DCPS: variants seen among roughly 807,000 people sequenced by gnomAD.
DCPS encodes the protein m7GpppX diphosphatase.
Under a neutral mutation model 34.7 loss-of-function variants are expected in DCPS, and 27 were observed. The observed-to-expected ratio is 0.78, with a 90% CI of 0.57 to 1.07. The LOEUF is 1.07. Among genes scored for constraint, DCPS ranks in the 50% least tolerant of loss-of-function variants. DCPS has a pLI of 0.00. For synonymous variants in DCPS, 185 were observed against 185.7 expected (o/e 1.00, Z 0.03); for missense variants, 464 against 436.9 (o/e 1.06, Z -0.55).
At chr11:126,310,422 C>T (rs758447771) in intron 2 of DCPS, among the ~76,000 whole-genome samples, 3 of 152,184 alleles carry the variant, frequency 2.0e-5, no homozygotes, top group Non-Finnish European at 4.4e-5. Context: ...CCCTATGCCG[C>T]GTACCGTAGC....
rs1258680643 is a variant in DCPS at position 126,332,963 on chromosome 11, G to C, written c.522+1413G>C. On this transcript the variant is annotated intron_variant, in intron 3 of 5. Transcript: ENST00000263579. This position sits in a 1 kb window ranked among gnomAD's most constrained non-coding sequence, Gnocchi z 5.4. ...AAGTAAGGAAGCCCTGATGTGGTTG[G>C]TGTGAGTAGCTGGGATTACAGGTGC... Among the ~76,000 whole-genome samples, 1 of 152,090 alleles carries C rather than the reference G, an allele frequency of 6.6e-6. No homozygotes were observed. The highest frequency in any genetic ancestry group is 6.6e-5 in the Admixed American group (1 of 15,256).
chr11:126,304,366 C>G (rs975728987), intron 1 of DCPS, 85 bp downstream of exon 1: 3 of 1,498,246 alleles, frequency 2.0e-6, no homozygotes, highest in Non-Finnish European at 2.8e-6. Flanking sequence ...TTTCGGATCT[C>G]GGCTGGAAAA....
intron 2 of DCPS, among the ~76,000 whole-genome samples, chr11:126,316,356 A>T (rs1380838763): frequency 4.8e-5 from 7 of 147,248 alleles, no homozygotes; most frequent in African/African-American, 1.8e-4. Flanking sequence ...CTCATCAGTT[A>T]TTGTTAGTGT....
chr11:126,307,926 AC>A (rs1951586626), intron 2 of DCPS, among the ~76,000 whole-genome samples: 1 of 152,158 alleles, frequency 6.6e-6, no homozygotes, highest in Non-Finnish European at 1.5e-5. Flanking sequence ...TTTTCAGTAG[AC>A]TGGGGTCTTG....
chr11:126,343,176 C>T (rs751065801), intron 4 of DCPS, 131 bp from the exon 5 acceptor site: 7 of 689,018 alleles, frequency 1.0e-5, no homozygotes, highest in Non-Finnish European at 1.5e-5. Flanking sequence ...ATGCAGATGC[C>T]CTGCGGGGTT....
chr11:126,312,936 G>A lies in DCPS; in HGVS notation c.376+6192G>A, dbSNP rs1421358659. On this transcript the variant is annotated intron_variant, in intron 2 of 5. Transcript: ENST00000263579. The surrounding 1 kb of genome is among the most constrained non-coding windows in gnomAD (Gnocchi z 5.1). ...GGCACATGTGAGGAGCTAATGGCCCGAAGGCTGGCACCTGAGAGCTTCCTC... is the reference window on the plus strand; with the variant it reads ...GGCACATGTGAGGAGCTAATGGCCCAAAGGCTGGCACCTGAGAGCTTCCTC... Among the ~76,000 whole-genome samples the A allele has an allele frequency of 6.6e-6, 1 of 152,132 alleles. No homozygotes were observed. Among genetic ancestry groups the A allele is most frequent in the Non-Finnish European group, 1.5e-5 (1 of 68,030 alleles).
chr11:126,318,647 C>T (rs1485575965), intron 2 of DCPS, among the ~76,000 whole-genome samples: 6 of 152,180 alleles, frequency 3.9e-5, no homozygotes, highest in African/African-American at 1.2e-4. Flanking sequence ...GGGTGGGCTT[C>T]GACTCAGATC....
chr11:126,306,260 C>A (rs1951564515), intron 1 of DCPS, among the ~76,000 whole-genome samples: 2 of 152,088 alleles, frequency 1.3e-5, no homozygotes, highest in Admixed American at 1.3e-4. Flanking sequence ...GTAATCCCAG[C>A]TACTCAGGAG....
At chr11:126,326,342 G>T (rs969893862) in intron 2 of DCPS, among the ~76,000 whole-genome samples, 1 of 152,178 alleles carries the variant, frequency 6.6e-6, no homozygotes, top group East Asian at 1.9e-4. Flanking sequence ...GGGCAGATGG[G>T]GCTGCCAGTG....
At chr11:126,307,085 T>G (rs1364012390) in intron 2 of DCPS, among the ~76,000 whole-genome samples, 2 of 151,872 alleles carry the variant, frequency 1.3e-5, no homozygotes, top group Non-Finnish European at 2.9e-5. Flanking sequence ...ATCCCAGCAC[T>G]TTGGGAGGCC....
chr11:126,347,870 G>A lies in DCPS; in HGVS notation c.*2257G>A, dbSNP rs757751365. 5.2e-4 allele frequency among the ~76,000 whole-genome samples: 79 copies of A among 152,240 alleles called. No individual in the cohort carries two copies. The highest frequency in any genetic ancestry group is 1.2e-3 in the African/African-American group (50 of 41,538). ...AGATGTGGTCCCAACAAGCAAACAC[G>A]GTCTCCATCTCCAGCACCACAACTG... On this transcript the variant is annotated 3_prime_UTR_variant, in exon 6 of 6. Transcript: ENST00000263579. The surrounding 1 kb of genome is among the most constrained non-coding windows in gnomAD (Gnocchi z 4.2).
Position 126,344,142 on chromosome 11 carries a change from G to T in DCPS, c.747+725G>T, listed in dbSNP as rs913462831. On this transcript the variant is annotated intron_variant, in intron 5 of 5. Transcript: ENST00000263579. The surrounding 1 kb of genome is among the most constrained non-coding windows in gnomAD (Gnocchi z 8.1). ...GTGATGCTCTGCCTAACACGCCAGA[G>T]CTAGCAGTCACAACGATGCCCAGCC... 6.6e-6 allele frequency among the ~76,000 whole-genome samples: 1 copy of T among 152,112 alleles called. No individual in the cohort carries two copies. Among genetic ancestry groups the T allele is most frequent in the African/African-American group, 2.4e-5 (1 of 41,430 alleles).
intron 2 of DCPS, among the ~76,000 whole-genome samples, chr11:126,311,308 C>T (rs1336601200): frequency 6.6e-6 from 1 of 152,254 alleles, no homozygotes; most frequent in Admixed American, 6.5e-5. Flanking sequence ...CGAATCCTGG[C>T]TTTGCCATTT....
In DCPS at chr11:126,318,055, C is replaced by T. The variant is rs556769189; in HGVS notation, c.376+11311C>T. ...TCCGGTCCTGTTGCCTCCCTACCCC[C>T]TCTGCTTTCTGGACTTCAGAGGACT... is the stretch of plus-strand genomic sequence containing the variant. On this transcript the variant is annotated intron_variant, in intron 2 of 5. Coordinates refer to ENST00000263579, the MANE Select transcript of DCPS (RefSeq NM_014026.6). Among the ~76,000 whole-genome samples the T allele has an allele frequency of 3.9e-5, 6 of 152,336 alleles. No homozygotes were observed. In the East Asian group the frequency reaches 1.2e-3, roughly 29 times the overall value.
chr11:126,311,601 T>C lies in DCPS; in HGVS notation c.376+4857T>C, dbSNP rs185225339. Among the ~76,000 whole-genome samples, 55 of 152,214 alleles carry C rather than the reference T, an allele frequency of 3.6e-4. 1 individual carries two copies. The highest frequency in any genetic ancestry group is 8.8e-5 in the Non-Finnish European group (6 of 68,026). On this transcript the variant is annotated intron_variant, in intron 2 of 5. Transcript: ENST00000263579. Reference sequence around the variant, plus strand: ...CTGAAAGATGGGAAGAAGCCAGCTGTGCAAAGAGGGGAGAACACTCTGGGC... The same window carrying C: ...CTGAAAGATGGGAAGAAGCCAGCTGCGCAAAGAGGGGAGAACACTCTGGGC...
At position 126,346,708 on chromosome 11, in the gene DCPS, CA is replaced by C. The variant is rs142637373; in HGVS notation, c.*1096del. Among the ~76,000 whole-genome samples, 2,417 of 152,258 alleles carry C rather than the reference CA, an allele frequency of 0.016. 70 individuals carry two copies. Among genetic ancestry groups the C allele is most frequent in the African/African-American group, 0.053 (2,188 of 41,548 alleles). ...AGGATGGCAGGCTCCTAAGTGACAG[CA>C]GGGGGGAAGCTTGAGGCACAGTGGG... On this transcript the variant is annotated 3_prime_UTR_variant, in exon 6 of 6. Coordinates refer to ENST00000263579, the MANE Select transcript of DCPS (RefSeq NM_014026.6). This position sits in a 1 kb window ranked among gnomAD's most constrained non-coding sequence, Gnocchi z 4.1.
At position 126,331,525 on chromosome 11, in the gene DCPS, T is replaced by C. The variant is rs1173610457; in HGVS notation, c.497T>C (p.Leu166Pro). The C allele has an allele frequency of 6.2e-7, 1 of 1,614,134 alleles. No individual in the cohort carries two copies. The highest frequency in any genetic ancestry group is 8.5e-7 in the Non-Finnish European group (1 of 1,180,010). Residue 166 changes from leucine (L) to proline (P), a missense_variant, in exon 3 of 6, where the codon CTG (leucine) becomes CCG (proline). Leu to Pro is a moderately conservative substitution (Grantham distance 98). Coordinates refer to ENST00000263579, the MANE Select transcript of DCPS (RefSeq NM_014026.6). The surrounding 1 kb of genome is among the most constrained non-coding windows in gnomAD (Gnocchi z 7.2). ...TACAGGAATATTACTTTACCCCACC[T>C]GGAGTCCCAGAGCCTCAGCATCCAG... ...DDYRNITLPHLESQSLSIQWV... is the reference protein window; with the variant it reads ...DDYRNITLPHPESQSLSIQWV...
rs1027523394 is a variant in DCPS, at chr11:126,327,071, G to A, written c.377-4334G>A. ...ATTAATTTCAGGAGATTTCCCATTC[G>A]TATGAGACTTCTGTGACATACAGTC... On this transcript the variant is annotated intron_variant, in intron 2 of 5. Coordinates refer to ENST00000263579, the MANE Select transcript of DCPS (RefSeq NM_014026.6). This position sits in a 1 kb window ranked among gnomAD's most constrained non-coding sequence, Gnocchi z 4.1. Among the ~76,000 whole-genome samples the A allele has an allele frequency of 2.6e-5, 4 of 152,122 alleles. No homozygotes were observed. The highest frequency in any genetic ancestry group is 9.7e-5 in the African/African-American group (4 of 41,414).
rs980733790 is a variant in DCPS, at chr11:126,327,737, C to T, written c.377-3668C>T. On this transcript the variant is annotated intron_variant, in intron 2 of 5. Coordinates refer to ENST00000263579, the MANE Select transcript of DCPS (RefSeq NM_014026.6). This position sits in a 1 kb window ranked among gnomAD's most constrained non-coding sequence, Gnocchi z 4.1. ...TTATTTCATCTGGGACAAAAATGCT[C>T]TTCCTGGGTTTAAGTCGAAAAGGCC... Among the ~76,000 whole-genome samples the T allele has an allele frequency of 2.6e-5, 4 of 152,216 alleles. No individual in the cohort carries two copies. Among genetic ancestry groups the T allele is most frequent in the Admixed American group, 6.5e-5 (1 of 15,286 alleles).
Sources: gnomAD v4.1 joint callset for allele counts (sites outside exome capture counted in the v4.1 genomes callset) on GRCh38, gnomAD v4.1.1 for gene constraint, Gnocchi (gnomAD v3.1) non-coding constraint, MANE v1.5 for transcripts, NCBI Gene and HGNC (gene_info 2026-07-23, HGNC 2026-07-21) for gene names.